Variants in ANKIB1 observed in about 807,000 individuals in gnomAD.
ANKIB1 encodes the protein ankyrin repeat and IBR domain containing 1, also known as ankyrin repeat and IBR domain-containing protein 1.
Under a neutral mutation model 122.1 loss-of-function variants are expected in ANKIB1, and 43 were observed. The ratio of observed to expected loss-of-function variants is 0.35; its 90% CI spans 0.28 to 0.45. ANKIB1 has a LOEUF of 0.45. ANKIB1 is among the 20% of genes least tolerant of loss of function. The probability of loss-of-function intolerance (pLI) is 1.00; values close to 1 mark genes in which losing one functional copy is unlikely to be tolerated. For missense variants in ANKIB1, 992 were observed against 1,329.5 expected (o/e 0.75, Z 3.95); for synonymous variants, 390 against 442.0 (o/e 0.88, Z 1.48).
chr7:92,280,424 C>T (rs1399711454), intron 1 of ANKIB1, among the ~76,000 whole-genome samples: 1 of 150,952 alleles, frequency 6.6e-6, no homozygotes, highest in African/African-American at 2.4e-5. Flanking sequence ...GTAGCAGCAG[C>T]TAGGCTTAAG....
At chr7:92,368,703 A>T (rs1804159356) in intron 10 of ANKIB1, among the ~76,000 whole-genome samples, 1 of 152,100 alleles carries the variant, frequency 6.6e-6, no homozygotes, top group South Asian at 2.1e-4. Flanking sequence ...CCTGGGCGAC[A>T]GTGCGAGACT....
chr7:92,382,167 T>A (rs1227884524), intron 11 of ANKIB1, among the ~76,000 whole-genome samples: 1 of 151,732 alleles, frequency 6.6e-6, no homozygotes, highest in Admixed American at 6.6e-5. Context: ...GGTAAAGGGA[T>A]CAATTCAACA....
At chr7:92,396,335 C>T in intron 17 of ANKIB1, 30 bp from the exon 18 acceptor site, 1 of 1,218,544 alleles carries the variant, frequency 8.2e-7, no homozygotes, top group Non-Finnish European at 1.2e-6. Context: ...TGCATGCTCT[C>T]TTGTATTTTA....
At position 92,341,429 on chromosome 7, in the gene ANKIB1, A is replaced by G. The variant is rs142577402; in HGVS notation, c.788-1595A>G. On this transcript the variant is annotated intron_variant, in intron 5 of 19. Transcript: ENST00000265742. The stretch of plus-strand genomic sequence containing the variant: ...ATTCCAGGGAATTTATACCAAGGAA[A>G]TACCAATATAAACATGAATATATAC... 2.7e-4 allele frequency among the ~76,000 whole-genome samples: 41 copies of G among 152,236 alleles called. No individual in the cohort carries two copies. In the East Asian group the frequency reaches 7.5e-3, roughly 28 times the overall value.
At chr7:92,284,519 C>T (rs893104830) in intron 1 of ANKIB1, among the ~76,000 whole-genome samples, 1 of 152,132 alleles carries the variant, frequency 6.6e-6, no homozygotes, top group Non-Finnish European at 1.5e-5. Flanking sequence ...GACTTAAAAA[C>T]TAGTTTGCCA....
chr7:92,323,407 A>G (rs920105832), intron 4 of ANKIB1, among the ~76,000 whole-genome samples: 4 of 152,152 alleles, frequency 2.6e-5, no homozygotes, highest in Admixed American at 6.6e-5. Flanking sequence ...AATGCTTTCT[A>G]AGAGAACTTT....
rs1804801761 is a variant in ANKIB1, at chr7:92,392,280, T to C, written c.2271T>C (p.Phe757=). 6.2e-7 allele frequency: 1 copy of C among 1,610,588 alleles called. No individual in the cohort carries two copies. The highest frequency in any genetic ancestry group is 1.7e-5 in the Admixed American group (1 of 59,630). The change falls in exon 17 of 20, where the codon TTT becomes TTC. Residue 757 remains phenylalanine (F), a synonymous_variant. Transcript: ENST00000265742. ...GGTWDWEYLG[F]ASPEEYAEFQ... is the part of the protein sequence containing the mutation. ...CATGGGATTGGGAATATTTAGGATT[T>C]GCATCACCAGAGGTAATTGTTTTAT...
intron 4 of ANKIB1, among the ~76,000 whole-genome samples, chr7:92,322,186 AAAT>A (rs1802926944): frequency 6.6e-6 from 1 of 152,210 alleles, no homozygotes; most frequent in Non-Finnish European, 1.5e-5. Flanking sequence ...AATATTCCAG[AAAT>A]AATATTGATG....
chr7:92,282,591 A>G (rs1012615796), intron 1 of ANKIB1, among the ~76,000 whole-genome samples: 2 of 152,232 alleles, frequency 1.3e-5, no homozygotes, highest in African/African-American at 2.4e-5. Context: ...GAAAGCCAAC[A>G]CTGAATAGAG....
At chr7:92,357,936 T>C (rs948212113) in intron 9 of ANKIB1, among the ~76,000 whole-genome samples, 3 of 152,112 alleles carry the variant, frequency 2.0e-5, no homozygotes, top group African/African-American at 7.2e-5. Flanking sequence ...TTTAAATATA[T>C]TTTATAGTAT....
chr7:92,322,328 ATTATG>A (rs764100855), intron 4 of ANKIB1, among the ~76,000 whole-genome samples: 14 of 152,282 alleles, frequency 9.2e-5, no homozygotes, highest in African/African-American at 2.9e-4. Flanking sequence ...TATAACTAAT[ATTATG>A]TTAAGAAAAA....
rs1722939096 is a variant in ANKIB1, at chr7:92,261,816, G to T, written c.-91+15297G>T. ...CTTGCTATGGAAGTCATATGCTTCA[G>T]ATATTTCATTTCAGGTATTTTGCGC... is the stretch of plus-strand genomic sequence containing the variant. On this transcript the variant is annotated intron_variant, in intron 1 of 19. Coordinates refer to ENST00000265742, the MANE Select transcript of ANKIB1 (RefSeq NM_019004.2). Among the ~76,000 whole-genome samples the T allele has an allele frequency of 1.3e-5, 2 of 152,162 alleles. 1 individual carries two copies. Among genetic ancestry groups the T allele is most frequent in the Non-Finnish European group, 2.9e-5 (2 of 68,022 alleles).
intron 1 of ANKIB1, among the ~76,000 whole-genome samples, chr7:92,247,163 C>T (rs1801128526): frequency 6.6e-6 from 1 of 152,176 alleles, no homozygotes; most frequent in Admixed American, 6.5e-5. Flanking sequence ...CACGGAATGG[C>T]ATATCGAACA....
At chr7:92,382,681 T>G (rs1804544314) in intron 11 of ANKIB1, among the ~76,000 whole-genome samples, 1 of 152,184 alleles carries the variant, frequency 6.6e-6, no homozygotes, top group African/African-American at 2.4e-5. Flanking sequence ...AAGATGTTCT[T>G]TGAAACCAAT....
chr7:92,258,894 C>T (rs182723283), intron 1 of ANKIB1, among the ~76,000 whole-genome samples: 20 of 152,240 alleles, frequency 1.3e-4, no homozygotes, highest in Admixed American at 3.9e-4. Context: ...ATGGAAGTAG[C>T]ATCAACCACA....
rs202054683 is a variant in ANKIB1 at position 92,371,187 on chromosome 7, T to A, written c.1487-290T>A. Reference sequence around the variant, plus strand: ...GAGTAATATGTTGCTTTTTTTTTTTTAAATTTTTTTGTGTATATTGTTTTT... The same window carrying A: ...GAGTAATATGTTGCTTTTTTTTTTTAAAATTTTTTTGTGTATATTGTTTTT... On this transcript the variant is annotated intron_variant, in intron 10 of 19. Coordinates refer to ENST00000265742, the MANE Select transcript of ANKIB1 (RefSeq NM_019004.2). Among the ~76,000 whole-genome samples the A allele has an allele frequency of 1.2e-3, 176 of 146,034 alleles. 1 individual carries two copies. The East Asian group carries it at 0.013, about 11-fold the overall frequency.
At chr7:92,302,558 G>A (rs908418740) in intron 2 of ANKIB1, among the ~76,000 whole-genome samples, 29 of 152,160 alleles carry the variant, frequency 1.9e-4, no homozygotes, top group African/African-American at 6.0e-4. Flanking sequence ...TAAAAAAGCC[G>A]TGGACTTGGA....
Position 92,285,126 on chromosome 7 carries a change from G to A in ANKIB1, c.-90-9763G>A, listed in dbSNP as rs145181449. ...TCTGTTGCCCAGGCTGGAGTGCAGT[G>A]GCACTATCTCGGCTCACTGCAACCT... On this transcript the variant is annotated intron_variant, in intron 1 of 19. Coordinates refer to ENST00000265742, the MANE Select transcript of ANKIB1 (RefSeq NM_019004.2). Among the ~76,000 whole-genome samples the A allele has an allele frequency of 2.1e-3, 324 of 152,206 alleles. 2 individuals are homozygous for A. Among genetic ancestry groups the A allele is most frequent in the African/African-American group, 7.2e-3 (298 of 41,516 alleles).
intron 3 of ANKIB1, among the ~76,000 whole-genome samples, chr7:92,309,942 A>ATATAT (rs1554338740): frequency 2.2e-5 from 2 of 91,790 alleles, no homozygotes; most frequent in South Asian, 3.8e-4. Flanking sequence ...AAAAAAAAAA[A>ATATAT]ATATATATAT....
Sources: allele counts gnomAD v4.1 joint callset (sites outside exome capture counted in the v4.1 genomes callset), GRCh38; gene constraint gnomAD v4.1.1; transcripts MANE v1.5; gene names NCBI Gene and HGNC (gene_info 2026-07-23, HGNC 2026-07-21).